The following CNTNAP5 variants were observed in gnomAD, a reference collection of about 807,000 sequenced individuals.
The protein encoded by CNTNAP5 is contactin-associated protein-like 5.
CNTNAP5 carries 72 observed loss-of-function variants against 150.2 expected under a neutral mutation model. The ratio of observed to expected loss-of-function variants is 0.48; its 90% confidence interval spans 0.40 to 0.58. The LOEUF (loss-of-function observed/expected upper bound fraction) is 0.58. CNTNAP5 is among the 20% of genes least tolerant of loss of function. The pLI is 0.00. For missense variants in CNTNAP5, 1,636 were observed against 1,626.2 expected (o/e 1.01, Z -0.10); for synonymous variants, 672 against 619.8 (o/e 1.08, Z -1.25).
At chr2:124,640,190 A>G (rs1469010678) in intron 12 of CNTNAP5, among the ~76,000 whole-genome samples, 1 of 152,160 alleles carries the variant, frequency 6.6e-6, no homozygotes, top group East Asian at 1.9e-4. Flanking sequence ...GTTCCACACC[A>G]CTACCCCCTA....
chr2:124,346,835 C>G (rs946576851), intron 3 of CNTNAP5, among the ~76,000 whole-genome samples: 1 of 148,998 alleles, frequency 6.7e-6, no homozygotes, highest in African/African-American at 2.5e-5. Flanking sequence ...CTTTGTGAGG[C>G]TGAGGTGGGA....
intron 17 of CNTNAP5, among the ~76,000 whole-genome samples, chr2:124,788,731 CA>C (rs1573618151): frequency 6.6e-6 from 1 of 151,778 alleles, no homozygotes; most frequent in East Asian, 2.0e-4. Context: ...CTCCTGGGTT[CA>C]AGCAATTCTC....
intron 23 of CNTNAP5, 127 bp downstream of exon 23, chr2:124,911,665 T>C (rs1678658066): frequency 1.4e-6 from 1 of 729,692 alleles, no homozygotes; most frequent in African/African-American, 1.8e-5. Context: ...CCTGCAAGAC[T>C]GTGGGCTTTT....
In CNTNAP5 at chr2:124,321,174, G is replaced by C. The variant is rs111756574; in HGVS notation, c.381+78781G>C. On this transcript the variant is annotated intron_variant, in intron 3 of 23. Transcript: ENST00000682447. Reference sequence around the variant, plus strand: ...AAGAAAAGGATTAGAATGGCTGGGCGCGGTGGCCTGTAATCCCAGCACTTT... The same window carrying C: ...AAGAAAAGGATTAGAATGGCTGGGCCCGGTGGCCTGTAATCCCAGCACTTT... Among the ~76,000 whole-genome samples the C allele has an allele frequency of 3.8e-3, 584 of 152,270 alleles. 5 individuals carry two copies. The highest frequency in any genetic ancestry group is 0.014 in the African/African-American group (563 of 41,544).
intron 1 of CNTNAP5, among the ~76,000 whole-genome samples, chr2:124,187,364 G>C (rs1471762227): frequency 1.3e-5 from 2 of 152,188 alleles, no homozygotes; most frequent in African/African-American, 4.8e-5. Context: ...GCTAGAATTT[G>C]AGCTAAGATC....
intron 3 of CNTNAP5, among the ~76,000 whole-genome samples, chr2:124,347,259 G>T (rs1214826948): frequency 6.6e-6 from 1 of 152,174 alleles, no homozygotes; most frequent in Non-Finnish European, 1.5e-5. Context: ...TCATGACGGG[G>T]CATCTGGAGA....
chr2:124,268,705 G>T (rs1384974201), intron 3 of CNTNAP5, among the ~76,000 whole-genome samples: 1 of 152,164 alleles, frequency 6.6e-6, no homozygotes, highest in African/African-American at 2.4e-5. Flanking sequence ...TCAAGTCACT[G>T]GGGGCCAAGC....
chr2:124,390,100 G>A (rs760559331), intron 3 of CNTNAP5, among the ~76,000 whole-genome samples: 9 of 152,060 alleles, frequency 5.9e-5, no homozygotes, highest in Non-Finnish European at 1.2e-4. Context: ...CCCAAAGCAC[G>A]ATCAATGATA....
chr2:124,563,392 G>A, intron 11 of CNTNAP5, 69 bp downstream of exon 11: 1 of 906,450 alleles, frequency 1.1e-6, no homozygotes, highest in Non-Finnish European at 1.8e-6. Flanking sequence ...TTAACTTCAG[G>A]ATGTATTTAG....
chr2:124,600,194 T>TA (rs1696952126), intron 11 of CNTNAP5, among the ~76,000 whole-genome samples: 1 of 152,000 alleles, frequency 6.6e-6, no homozygotes, highest in Non-Finnish European at 1.5e-5. Flanking sequence ...AAATGGTTTT[T>TA]TTTTTATTTT....
rs140837112 is a variant in CNTNAP5 at position 124,556,604 on chromosome 2, G to A, written c.1650-6613G>A. 6.2e-3 allele frequency among the ~76,000 whole-genome samples: 944 copies of A among 152,252 alleles called. 1 individual carries two copies. The highest frequency in any genetic ancestry group is 0.027 in the Middle Eastern group (8 of 294). ...CTGGAAGACCAGTTAGCTGAAAATT[G>A]TAGTTATTCTGGTGAGAGATGCTTG... On this transcript the variant is annotated intron_variant, in intron 10 of 23. Transcript: ENST00000682447.
intron 19 of CNTNAP5, among the ~76,000 whole-genome samples, chr2:124,816,050 T>C (rs1392326208): frequency 1.3e-5 from 2 of 152,228 alleles, no homozygotes; most frequent in Admixed American, 6.5e-5. Context: ...TAAGTGTTTA[T>C]AGGGGTCTGT....
At chr2:124,749,490 TCTCTGCTCACTGCAAC>T (rs1680676400) in intron 14 of CNTNAP5, among the ~76,000 whole-genome samples, 1 of 152,004 alleles carries the variant, frequency 6.6e-6, no homozygotes, top group South Asian at 2.1e-4. Flanking sequence ...AATGATGCAA[TCTCTGCTCACTGCAAC>T]CTCTGCTTCC....
At chr2:124,557,249 G>A (rs1278640729) in intron 10 of CNTNAP5, among the ~76,000 whole-genome samples, 1 of 146,118 alleles carries the variant, frequency 6.8e-6, no homozygotes, top group Non-Finnish European at 1.5e-5. Flanking sequence ...AGAAACCTGA[G>A]TTTCTCTTCC....
At chr2:124,341,828 T>C (rs1286819042) in intron 3 of CNTNAP5, among the ~76,000 whole-genome samples, 4 of 152,174 alleles carry the variant, frequency 2.6e-5, no homozygotes, top group African/African-American at 9.6e-5. Context: ...AGAGAATGTC[T>C]ATAAATAAGC....
chr2:124,392,687 CAAAAAA>C (rs35107442), intron 3 of CNTNAP5, among the ~76,000 whole-genome samples: 33 of 68,788 alleles, frequency 4.8e-4, no homozygotes, highest in South Asian at 7.4e-4. Context: ...TTTTCTTTGC[CAAAAAA>C]AAAAAAAAAA....
At chr2:124,618,368 C>T (rs1299979673) in intron 12 of CNTNAP5, among the ~76,000 whole-genome samples, 2 of 152,028 alleles carry the variant, frequency 1.3e-5, no homozygotes, top group African/African-American at 4.8e-5. Flanking sequence ...GTGGATCTCT[C>T]GTATGGCTTG....
At chr2:124,197,657 A>G (rs10208745) in intron 1 of CNTNAP5, among the ~76,000 whole-genome samples, 47,024 of 151,960 alleles carry the variant, frequency 0.31, 7,422 homozygotes, top group South Asian at 0.48. Flanking sequence ...TTATCAAATC[A>G]TTGTCCAAAT....
At chr2:124,043,176 C>A (rs1274984730) in intron 1 of CNTNAP5, among the ~76,000 whole-genome samples, 2 of 152,062 alleles carry the variant, frequency 1.3e-5, no homozygotes, top group Non-Finnish European at 2.9e-5. Flanking sequence ...GGGAAAAGGA[C>A]CTTGGAAGTG....
Sources: allele counts gnomAD v4.1 joint callset (sites outside exome capture counted in the v4.1 genomes callset), GRCh38; gene constraint gnomAD v4.1.1; transcripts MANE v1.5; gene names NCBI Gene and HGNC (gene_info 2026-07-23, HGNC 2026-07-21).